The following KCTD9 variants were observed in gnomAD, a reference collection of about 807,000 sequenced individuals.
KCTD9 encodes BTB/POZ domain-containing protein KCTD9.
KCTD9 carries 17 observed loss-of-function variants against 53.3 expected under a neutral mutation model. The observed-to-expected ratio is 0.32, with a 90% CI of 0.22 to 0.48. The LOEUF (loss-of-function observed/expected upper bound fraction) is 0.48, where lower values mean the gene tolerates loss of function less well. Ranked by LOEUF, KCTD9 falls within the 20% of genes least tolerant of loss-of-function variation. KCTD9 has a pLI of 0.99. For synonymous variants in KCTD9, 128 were observed against 162.7 expected (o/e 0.79, Z 1.62); for missense variants, 179 against 465.5 (o/e 0.38, Z 5.66).
intron 1 of KCTD9, among the ~76,000 whole-genome samples, chr8:25,456,125 A>G (rs1210578805): frequency 6.6e-6 from 1 of 152,196 alleles, no homozygotes; most frequent in Non-Finnish European, 1.5e-5. Context: ...GCCCTTCCCC[A>G]GGCTTCATAG....
chr8:25,457,365 G>C (rs1802469089), intron 1 of KCTD9: 1 of 984,964 alleles, frequency 1.0e-6, no homozygotes, highest in South Asian at 4.7e-5. Context: ...TGTCTGCCTC[G>C]AACAGTGAAA....
chr8:25,434,504 G>A (rs1047106462), intron 9 of KCTD9, among the ~76,000 whole-genome samples: 1 of 151,822 alleles, frequency 6.6e-6, no homozygotes, highest in Non-Finnish European at 1.5e-5. Context: ...TTAAAGATTA[G>A]GTCCTTCAAA....
In KCTD9 at chr8:25,439,561, A is replaced by G. The variant is rs764850696; in HGVS notation, c.370+45T>C. On this transcript the variant is annotated intron_variant, in intron 5 of 11. Transcript: ENST00000221200. ...CAGGAGTTATAAAGTCAGCACAGAT[A>G]TAAAACAGGTAAGATGAAATGTGAA... 3.1e-6 allele frequency: 5 copies of G among 1,605,508 alleles called. No individual in the cohort carries two copies. The South Asian group carries it at 3.3e-5, about 11-fold the overall frequency.
intron 1 of KCTD9, among the ~76,000 whole-genome samples, chr8:25,456,066 C>T (rs537559467): frequency 6.6e-6 from 1 of 152,296 alleles, no homozygotes; most frequent in African/African-American, 2.4e-5. Context: ...CAGACAATTC[C>T]TGGCGAGCAT....
intron 6 of KCTD9, 77 bp from the exon 7 acceptor site, chr8:25,436,562 G>T: frequency 1.2e-6 from 1 of 846,922 alleles, no homozygotes; most frequent in Non-Finnish European, 1.8e-6. Context: ...ACTAAAATAC[G>T]ATTAGTTCAC....
At chr8:25,441,235 G>C (rs1167869041) in intron 3 of KCTD9, among the ~76,000 whole-genome samples, 1 of 150,098 alleles carries the variant, frequency 6.7e-6, no homozygotes, top group African/African-American at 2.4e-5. Context: ...GAATATATCA[G>C]AAAATGAGTT....
intron 11 of KCTD9, among the ~76,000 whole-genome samples, chr8:25,430,701 C>G (rs772926933): frequency 6.6e-6 from 1 of 151,998 alleles, no homozygotes; most frequent in Non-Finnish European, 1.5e-5. Context: ...AAAACCAGCC[C>G]CCGACTCTGA....
chr8:25,450,394 G>T, intron 1 of KCTD9: 1 of 984,404 alleles, frequency 1.0e-6, no homozygotes, highest in Non-Finnish European at 1.2e-6. Flanking sequence ...CTTACAGCAG[G>T]TCTTTGACAA....
chr8:25,434,094 T>C (rs1801976455), intron 9 of KCTD9, among the ~76,000 whole-genome samples: 1 of 152,102 alleles, frequency 6.6e-6, no homozygotes, highest in African/African-American at 2.4e-5. Context: ...TTTTAAGACT[T>C]TATTTTTTTG....
chr8:25,441,442 A>G (rs1174283468), intron 3 of KCTD9, among the ~76,000 whole-genome samples: 1 of 152,190 alleles, frequency 6.6e-6, no homozygotes, highest in Non-Finnish European at 1.5e-5. Context: ...TAATGAAAAC[A>G]TGCCAGAAAT....
At chr8:25,436,098 G>A in intron 8 of KCTD9, 137 bp downstream of exon 8, 1 of 679,276 alleles carries the variant, frequency 1.5e-6, no homozygotes. Flanking sequence ...CTAAATCAAT[G>A]CTATGACTCA....
intron 11 of KCTD9, among the ~76,000 whole-genome samples, chr8:25,431,303 C>T (rs576138513): frequency 6.6e-6 from 1 of 152,132 alleles, no homozygotes; most frequent in East Asian, 1.9e-4. Context: ...CAAGGAACTG[C>T]CCTTCTTTTT....
rs1802081282 is a variant in KCTD9 at position 25,439,684 on chromosome 8, A to AATTG, written c.312-24_312-21dup. 5.6e-6 allele frequency: 9 copies of AATTG among 1,613,348 alleles called. No individual in the cohort carries two copies. The highest frequency in any genetic ancestry group is 1.7e-5 in the Admixed American group (1 of 59,978). ...GTGCTCCTAAGAATTCAGGGAAAAA[A>AATTG]ATTGATTTCTCCATTTGTCTTTATA... On this transcript the variant is annotated intron_variant, in intron 4 of 11. Coordinates refer to ENST00000221200, the MANE Select transcript of KCTD9 (RefSeq NM_017634.4).
intron 4 of KCTD9, 123 bp from the exon 5 acceptor site, chr8:25,439,787 G>GT: frequency 6.6e-7 from 1 of 1,519,148 alleles, no homozygotes; most frequent in South Asian, 1.3e-5. Context: ...CCTGGTAGGA[G>GT]TAACGCTGGG....
intron 2 of KCTD9, 37 bp downstream of exon 2, chr8:25,446,092 G>A (rs765557816): frequency 1.2e-6 from 2 of 1,603,720 alleles, no homozygotes; most frequent in South Asian, 1.1e-5. Context: ...AGAAGTTGAG[G>A]CACACTGTTG....
chr8:25,433,430 C>T lies in KCTD9; in HGVS notation c.819G>A (p.Ala273=), dbSNP rs202013970. The T allele has an allele frequency of 8.5e-4, 1,353 of 1,586,140 alleles. 3 individuals carry two copies. Among genetic ancestry groups the T allele is most frequent in the Non-Finnish European group, 6.0e-4 (701 of 1,160,366 alleles). Residue 273 remains alanine, a synonymous_variant, in exon 10 of 12, where the codon GCG becomes GCA. Coordinates refer to ENST00000221200, the MANE Select transcript of KCTD9 (RefSeq NM_017634.4). ...ADLSGSVLDC[A]NLQGVKMLCS... ...AGAGCATCTTGACTCCCTGGAGATT[C>T]GCACACTGCAAAGAAAAGAGAAAAG...
chr8:25,441,115 C>T (rs145420181), intron 3 of KCTD9, among the ~76,000 whole-genome samples: 31 of 151,994 alleles, frequency 2.0e-4, no homozygotes, highest in African/African-American at 7.2e-4. Flanking sequence ...ATGGACAAAG[C>T]CCCATACTGA....
chr8:25,454,434 C>T (rs1434018911), intron 1 of KCTD9, among the ~76,000 whole-genome samples: 1 of 122,428 alleles, frequency 8.2e-6, no homozygotes, highest in East Asian at 2.2e-4. Flanking sequence ...AAAAAAAGCA[C>T]TCTGTGTTCA....
chr8:25,435,359 T>C lies in KCTD9; in HGVS notation c.813+4A>G, dbSNP rs774543106. 5 of 1,561,754 alleles carry C rather than the reference T, an allele frequency of 3.2e-6. No homozygotes were observed. The highest frequency in any genetic ancestry group is 3.5e-6 in the Non-Finnish European group (4 of 1,155,350). ...TTTCTCTTGTAGCCTAAAATGATACTTACGTCAAGCACTGATCCAGAGAGA... is the reference window on the plus strand; with the variant it reads ...TTTCTCTTGTAGCCTAAAATGATACCTACGTCAAGCACTGATCCAGAGAGA... On this transcript the variant is annotated splice_donor_region_variant and intron_variant, in intron 9 of 11. Coordinates refer to ENST00000221200, the MANE Select transcript of KCTD9 (RefSeq NM_017634.4).
Sources: allele counts gnomAD v4.1 joint callset (sites outside exome capture counted in the v4.1 genomes callset), GRCh38; gene constraint gnomAD v4.1.1; transcripts MANE v1.5; gene names NCBI Gene and HGNC (gene_info 2026-07-23, HGNC 2026-07-21).